MRPL4: variants seen among roughly 807,000 people sequenced by gnomAD.
MRPL4 encodes the protein large ribosomal subunit protein uL4m.
A neutral mutation model predicts 34.1 loss-of-function variants in MRPL4; 34 were observed. That is an observed-to-expected ratio of 1.00 (90% CI 0.76 to 1.33). The LOEUF is 1.33. Ranked by LOEUF, MRPL4 falls within the 40% of genes most tolerant of loss-of-function variation. The pLI is 0.00. For missense variants in MRPL4, 402 were observed against 434.6 expected, an observed-to-expected ratio of 0.92 and a Z score of 0.67; for synonymous variants, 196 against 188.3, an observed-to-expected ratio of 1.04 and a Z score of -0.33.
intron 5 of MRPL4, among the ~76,000 whole-genome samples, chr19:10,257,078 A>G (rs1477538986): frequency 2.6e-5 from 4 of 151,956 alleles, no homozygotes; most frequent in Admixed American, 1.3e-4. Context: ...CTGTGGCCAC[A>G]GCCCCTCTTG....
In MRPL4 at chr19:10,258,297, T is replaced by C. The variant is rs776275203; in HGVS notation, c.521T>C (p.Leu174Pro). 3.7e-6 allele frequency: 6 copies of C among 1,613,956 alleles called. No individual in the cohort carries two copies. The highest frequency in any genetic ancestry group is 5.1e-6 in the Non-Finnish European group (6 of 1,180,016). ...MLPMKVRALG[L>P]KVALTVKLAQ... ...CCCATGAAGGTGCGGGCGCTGGGTC[T>C]CAAAGTGGCACTGACCGTCAAGCTG... The change falls in exon 6 of 9, where the codon CTC (leucine) becomes CCC (proline). Residue 174 changes from leucine (L) to proline (P), a missense_variant. Transcript: ENST00000253099.
chr19:10,258,806 C>G (rs1309455152), intron 8 of MRPL4, 121 bp downstream of exon 8: 16 of 1,602,462 alleles, frequency 1.0e-5, no homozygotes, highest in Non-Finnish European at 1.3e-5. Context: ...GCTCCCGGAC[C>G]CAACCTTCAG....
At chr19:10,254,192 T>C (rs1467653279) in intron 3 of MRPL4, among the ~76,000 whole-genome samples, 1 of 152,104 alleles carries the variant, frequency 6.6e-6, no homozygotes, top group East Asian at 1.9e-4. Flanking sequence ...CTAATCTTTG[T>C]ATATTTTGGA....
Position 10,252,283 on chromosome 19 carries a change from G to T in MRPL4, c.30G>T (p.Arg10=), listed in dbSNP as rs763907130. ...TGCAGTTCGTCCGGGCCGGGGCGCGGGCCTGGCTTCGGCCTACCGGCAGCC... is the reference window on the plus strand; with the variant it reads ...TGCAGTTCGTCCGGGCCGGGGCGCGTGCCTGGCTTCGGCCTACCGGCAGCC... MLQFVRAGA[R]AWLRPTGSQG... Residue 10 remains arginine, a synonymous_variant, in exon 1 of 9, where the codon CGG becomes CGT. Coordinates refer to ENST00000253099, the MANE Select transcript of MRPL4 (RefSeq NM_015956.3). The T allele has an allele frequency of 3.7e-6, 6 of 1,609,380 alleles. No individual in the cohort carries two copies. In the East Asian group the frequency reaches 1.1e-4, roughly 30 times the overall value.
upstream of MRPL4, chr19:10,252,081 G>GT (rs2039794213): frequency 6.9e-6 from 5 of 721,948 alleles, no homozygotes; most frequent in Non-Finnish European, 1.1e-5. Flanking sequence ...TAGTCCTGGG[G>GT]TGGAGGTCTG....
intron 6 of MRPL4, 40 bp downstream of exon 6, chr19:10,258,368 G>T: frequency 6.2e-7 from 1 of 1,613,668 alleles, no homozygotes; most frequent in Non-Finnish European, 8.5e-7. Context: ...CTAGAGGTGG[G>T]GCTGCTCTGG....
chr19:10,257,332 T>C (rs1488114704), intron 5 of MRPL4, among the ~76,000 whole-genome samples: 1 of 152,156 alleles, frequency 6.6e-6, no homozygotes, highest in African/African-American at 2.4e-5. Flanking sequence ...TTTTATTTTC[T>C]TGAATGCTAA....
In MRPL4 at chr19:10,252,428, G is replaced by A; in HGVS notation, c.89G>A (p.Arg30His). The change falls in exon 2 of 9, where the codon CGT becomes CAT. Residue 30 changes from arginine (R) to histidine (H), a missense_variant. Arg to His is a conservative substitution (Grantham distance 29). Coordinates refer to ENST00000253099, the MANE Select transcript of MRPL4 (RefSeq NM_015956.3). ...AGTTCCCTGGCGGAAGAGGCAGCGC[G>A]TGCGACCGAGAACCCGGAGCAGGTG... Reference protein sequence around the residue: ...GLSSLAEEAARATENPEQVAS... With the variant: ...GLSSLAEEAAHATENPEQVAS... 2 of 1,614,056 alleles carry A rather than the reference G, an allele frequency of 1.2e-6. No individual in the cohort carries two copies. Among genetic ancestry groups the A allele is most frequent in the Non-Finnish European group, 1.7e-6 (2 of 1,179,976 alleles).
chr19:10,256,557 C>A, intron 4 of MRPL4, 151 bp from the exon 5 acceptor site: 1 of 615,860 alleles, frequency 1.6e-6, no homozygotes, highest in Non-Finnish European at 2.9e-6. Context: ...CTTCTTTACC[C>A]TCCCCCTCGC....
chr19:10,256,193 G>A (rs2039849630), intron 4 of MRPL4, among the ~76,000 whole-genome samples: 1 of 152,142 alleles, frequency 6.6e-6, no homozygotes, highest in Non-Finnish European at 1.5e-5. Context: ...GGCTGAGACA[G>A]GAGAATTGCT....
At position 10,259,777 on chromosome 19, in the gene MRPL4, T is replaced by G; in HGVS notation, c.900T>G (p.Ala300=). The change falls in exon 9 of 9, where the codon GCT becomes GCG. Residue 300 remains alanine (A), a synonymous_variant. Coordinates refer to ENST00000253099, the MANE Select transcript of MRPL4 (RefSeq NM_015956.3). ...ACTTCCCCCGACCCCTACCCCACGC[T>G]ACCCAGGGCCCAGCGGCCACCCCGT... The part of the protein sequence containing the change: ...YSDFPRPLPH[A]TQGPAATPYH... 6.2e-7 allele frequency: 1 copy of G among 1,613,262 alleles called. No individual in the cohort carries two copies. Among genetic ancestry groups the G allele is most frequent in the Non-Finnish European group, 8.5e-7 (1 of 1,179,580 alleles).
At chr19:10,258,716 G>T in intron 8 of MRPL4, 31 bp downstream of exon 8, 1 of 1,614,034 alleles carries the variant, frequency 6.2e-7, no homozygotes, top group Non-Finnish European at 8.5e-7. Context: ...CCTAGAGTGC[G>T]CATGTGCAGG....
In MRPL4 at chr19:10,260,034, T is replaced by A; in HGVS notation, c.*221T>A. 1.7e-5 allele frequency: 8 copies of A among 472,528 alleles called. No individual in the cohort carries two copies. The highest frequency in any genetic ancestry group is 3.0e-5 in the Non-Finnish European group (8 of 270,826). The allele number at this position is 472,528 out of a possible 1,614,324, so 29.3% of individuals were successfully genotyped here. A position where few individuals can be genotyped will look rare whatever the true frequency, so the allele number is the denominator to read the frequency against. Reference sequence around the variant, plus strand: ...CTTTTTGTTTTTAAAATAAATTGTATTTTTGAATCAAGGAGGATAAAGATA... The same window carrying A: ...CTTTTTGTTTTTAAAATAAATTGTAATTTTGAATCAAGGAGGATAAAGATA... On this transcript the variant is annotated 3_prime_UTR_variant, in exon 9 of 9. Transcript: ENST00000253099.
chr19:10,257,886 G>A (rs1021352956), intron 5 of MRPL4, among the ~76,000 whole-genome samples: 1 of 151,864 alleles, frequency 6.6e-6, no homozygotes, highest in African/African-American at 2.4e-5. Context: ...TCGCTCTGTT[G>A]CCCAGGCTGT....
chr19:10,254,407 T>G (rs910768041), intron 3 of MRPL4, among the ~76,000 whole-genome samples, 182 bp from the exon 4 acceptor site: 1 of 152,196 alleles, frequency 6.6e-6, no homozygotes, highest in Non-Finnish European at 1.5e-5. Context: ...GAAGAGTGTT[T>G]CAGGCAGAGG....
At chr19:10,258,799 C>T in intron 8 of MRPL4, 114 bp downstream of exon 8, 7 of 1,605,298 alleles carry the variant, frequency 4.4e-6, no homozygotes, top group East Asian at 4.5e-5. Context: ...TGACCACGCT[C>T]CCGGACCCAA....
chr19:10,258,829 A>G (rs1377421252), intron 8 of MRPL4, 144 bp downstream of exon 8: 1 of 1,586,868 alleles, frequency 6.3e-7, no homozygotes, highest in African/African-American at 1.3e-5. Context: ...TGCCCAAAGC[A>G]ATAATCTTTC....
chr19:10,254,007 C>G (rs1208431375), intron 3 of MRPL4, among the ~76,000 whole-genome samples: 1 of 151,926 alleles, frequency 6.6e-6, no homozygotes, highest in Non-Finnish European at 1.5e-5. Context: ...GTAGGAAAAA[C>G]AAGGAAGAAG....
rs540861306 is a variant in MRPL4 at position 10,256,812 on chromosome 19, G to A, written c.432G>A (p.Pro144=). ...GRARHGSIRS[P]LWRGGGVAHG... ...CCCGGCATGGCAGCATCCGCTCTCC[G>A]CTCTGGCGAGGAGGTAACAGGACAG... The change falls in exon 5 of 9, where the codon CCG becomes CCA. Residue 144 remains proline (P), a synonymous_variant. Transcript: ENST00000253099. 1.4e-5 allele frequency: 21 copies of A among 1,518,186 alleles called. No individual in the cohort carries two copies. Among genetic ancestry groups the A allele is most frequent in the East Asian group, 2.6e-5 (1 of 37,926 alleles). 94.0% of individuals were successfully genotyped at this position (1,518,186 alleles called of 1,614,324 possible). A position where few individuals can be genotyped will look rare whatever the true frequency, so the allele number is the denominator to read the frequency against.
Sources: allele counts gnomAD v4.1 joint callset (sites outside exome capture counted in the v4.1 genomes callset), GRCh38; gene constraint gnomAD v4.1.1; transcripts MANE v1.5; gene names NCBI Gene and HGNC (gene_info 2026-07-23, HGNC 2026-07-21).